Variants in CORIN observed in about 807,000 individuals in gnomAD.
CORIN encodes the protein atrial natriuretic peptide-converting enzyme.
Under a neutral mutation model 125.3 loss-of-function variants are expected in CORIN, and 117 were observed. That is an observed-to-expected ratio of 0.93 (90% CI 0.80 to 1.09). CORIN has a LOEUF of 1.09. Ranked by LOEUF, CORIN falls within the 50% of genes least tolerant of loss-of-function variation. The pLI is 0.00. For missense variants in CORIN, 1,253 were observed against 1,306.7 expected (o/e 0.96, Z 0.63); for synonymous variants, 450 against 466.4 (o/e 0.96, Z 0.45).
chr4:47,600,384 T>TA, intron 20 of CORIN, 37 bp from the exon 21 acceptor site: 1 of 1,506,174 alleles, frequency 6.6e-7, no homozygotes. Flanking sequence ...TATATGATGA[T>TA]AAAATGACTC....
intron 2 of CORIN, among the ~76,000 whole-genome samples, chr4:47,799,376 A>C (rs1731435930): frequency 6.6e-6 from 1 of 152,138 alleles, no homozygotes; most frequent in Non-Finnish European, 1.5e-5. Context: ...ACAGTGACTG[A>C]AGTAATTTAC....
intron 4 of CORIN, among the ~76,000 whole-genome samples, chr4:47,750,102 C>T (rs1228759868): frequency 6.6e-6 from 1 of 152,096 alleles, no homozygotes; most frequent in Admixed American, 6.6e-5. Flanking sequence ...TACTGGAAAA[C>T]CCAAATAACA....
intron 16 of CORIN, among the ~76,000 whole-genome samples, chr4:47,640,460 T>C (rs747735886): frequency 6.6e-6 from 1 of 152,228 alleles, no homozygotes; most frequent in Non-Finnish European, 1.5e-5. Context: ...AGAAAGCAGA[T>C]TAGTTGTTAC....
At chr4:47,658,525 C>T (rs1024336210) in intron 12 of CORIN, among the ~76,000 whole-genome samples, 11 of 152,248 alleles carry the variant, frequency 7.2e-5, no homozygotes, top group South Asian at 2.1e-4. Context: ...TCCAGCCCCA[C>T]GTTTCCCCTC....
Position 47,594,636 on chromosome 4 carries a change from C to T in CORIN, c.*1085G>A, listed in dbSNP as rs970730709. The T allele has an allele frequency of 6.6e-6, 1 of 152,112 alleles. No individual in the cohort carries two copies. The highest frequency in any genetic ancestry group is 2.4e-5 in the African/African-American group (1 of 41,436). 9.4% of individuals were successfully genotyped at this position (152,112 alleles called of 1,614,324 possible). On this transcript the variant is annotated 3_prime_UTR_variant, in exon 22 of 22. Transcript: ENST00000273857. ...AAGTCTTACTGTGCTCTAAAATATGCTCTTTATGACTTTGTTGGTATGGAT... is the reference window on the plus strand; with the variant it reads ...AAGTCTTACTGTGCTCTAAAATATGTTCTTTATGACTTTGTTGGTATGGAT...
chr4:47,656,659 G>A (rs1414780899), intron 12 of CORIN, among the ~76,000 whole-genome samples: 1 of 152,072 alleles, frequency 6.6e-6, no homozygotes, highest in Non-Finnish European at 1.5e-5. Flanking sequence ...ATATTTCACA[G>A]ACCCACAGTT....
At chr4:47,669,344 C>CT (rs1724632747) in intron 10 of CORIN, among the ~76,000 whole-genome samples, 1 of 152,168 alleles carries the variant, frequency 6.6e-6, no homozygotes, top group Non-Finnish European at 1.5e-5. Context: ...TTTTCTACAT[C>CT]TAGCTGCGTA....
intron 14 of CORIN, among the ~76,000 whole-genome samples, chr4:47,643,821 T>C (rs1168229214): frequency 1.3e-5 from 2 of 152,188 alleles, no homozygotes; most frequent in East Asian, 1.9e-4. Context: ...ACACCAGCCA[T>C]CCCCACTTCC....
intron 5 of CORIN, among the ~76,000 whole-genome samples, chr4:47,713,907 A>G (rs1472595584): frequency 6.6e-6 from 1 of 152,166 alleles, no homozygotes; most frequent in East Asian, 1.9e-4. Context: ...TTGCTTTTTA[A>G]TAATTACTTA....
At chr4:47,657,922 G>T (rs1724069044) in intron 12 of CORIN, among the ~76,000 whole-genome samples, 2 of 152,078 alleles carry the variant, frequency 1.3e-5, no homozygotes, top group South Asian at 4.1e-4. Context: ...ACCTCATTCT[G>T]CTCTGCCCCT....
intron 5 of CORIN, among the ~76,000 whole-genome samples, chr4:47,720,435 C>A (rs1390846142): frequency 6.6e-6 from 1 of 151,962 alleles, no homozygotes; most frequent in Non-Finnish European, 1.5e-5. Context: ...TTTTTTGGTA[C>A]TGTGTTGAGA....
chr4:47,688,256 A>G (rs1412920541), intron 6 of CORIN, among the ~76,000 whole-genome samples: 1 of 151,966 alleles, frequency 6.6e-6, no homozygotes, highest in East Asian at 1.9e-4. Context: ...TTGCTTGTTT[A>G]CCTCAATTTT....
intron 9 of CORIN, among the ~76,000 whole-genome samples, chr4:47,675,841 G>A (rs1724992429): frequency 1.3e-5 from 2 of 152,134 alleles, no homozygotes. Context: ...CCAAAGTGCT[G>A]GGATTACAGG....
intron 13 of CORIN, among the ~76,000 whole-genome samples, chr4:47,652,269 C>A (rs968197681): frequency 1.3e-5 from 2 of 152,160 alleles, no homozygotes; most frequent in African/African-American, 2.4e-5. Flanking sequence ...CCAGAAGATG[C>A]ATTAGTCCAT....
intron 10 of CORIN, among the ~76,000 whole-genome samples, chr4:47,665,942 T>C (rs954707878): frequency 4.9e-4 from 75 of 152,218 alleles, no homozygotes; most frequent in African/African-American, 1.4e-3. Context: ...ACCAGATATT[T>C]TAAGAATTGT....
At chr4:47,736,394 T>C (rs1223178534) in intron 5 of CORIN, among the ~76,000 whole-genome samples, 1 of 152,174 alleles carries the variant, frequency 6.6e-6, no homozygotes. Flanking sequence ...AAGAAACATC[T>C]GTTGGAAGGC....
At chr4:47,746,423 G>A (rs1319765857) in intron 4 of CORIN, among the ~76,000 whole-genome samples, 1 of 152,198 alleles carries the variant, frequency 6.6e-6, no homozygotes. Context: ...CTGAGGCAAT[G>A]AGAGTCAGAG....
rs112765604 is a variant in CORIN at position 47,604,214 on chromosome 4, C to T, written c.2541-546G>A. Among the ~76,000 whole-genome samples, 628 of 152,318 alleles carry T rather than the reference C, an allele frequency of 4.1e-3. 5 individuals carry two copies. Among genetic ancestry groups the T allele is most frequent in the Non-Finnish European group, 5.8e-3 (393 of 68,028 alleles). On this transcript the variant is annotated intron_variant, in intron 19 of 21. Transcript: ENST00000273857. ...ACCTTAAAACACTTTCTTCACTTGG[C>T]TTCCAGGTCTTGCCATGCTCCAAAA...
At chr4:47,794,802 C>T (rs139356957) in intron 2 of CORIN, among the ~76,000 whole-genome samples, 228 of 152,190 alleles carry the variant, frequency 1.5e-3, no homozygotes, top group African/African-American at 5.3e-3. Context: ...AAAGCTGAAA[C>T]GCTTTCTCCA....
Sources: gnomAD v4.1 joint callset for allele counts (sites outside exome capture counted in the v4.1 genomes callset) on GRCh38, gnomAD v4.1.1 for gene constraint, MANE v1.5 for transcripts, NCBI Gene and HGNC (gene_info 2026-07-23, HGNC 2026-07-21) for gene names.